PCCA: variants seen among roughly 807,000 people sequenced by gnomAD.
PCCA encodes the protein propionyl-CoA carboxylase subunit alpha.
Under a neutral mutation model 101.3 loss-of-function variants are expected in PCCA, and 74 were observed. The observed-to-expected ratio is 0.73, with a 90% CI of 0.61 to 0.89. The LOEUF (loss-of-function observed/expected upper bound fraction) is 0.89, where lower values mean the gene tolerates loss of function less well. PCCA is among the 40% of genes least tolerant of loss of function. The pLI is 0.00. For synonymous variants in PCCA, 294 were observed against 313.6 expected (o/e 0.94, Z 0.66); for missense variants, 891 against 907.0 (o/e 0.98, Z 0.23).
chr13:100,369,303 C>T (rs567592252), intron 19 of PCCA, among the ~76,000 whole-genome samples: 49 of 152,198 alleles, frequency 3.2e-4, no homozygotes, highest in Non-Finnish European at 6.6e-4. Flanking sequence ...GGCTAAATTG[C>T]ATTGAAATGT....
At chr13:100,134,425 A>C (rs1353368364) in intron 4 of PCCA, among the ~76,000 whole-genome samples, 1 of 152,206 alleles carries the variant, frequency 6.6e-6, no homozygotes, top group Non-Finnish European at 1.5e-5. Context: ...CACACACAAA[A>C]AAAATCCTGC....
chr13:100,207,395 T>A (rs2058926404), intron 6 of PCCA, among the ~76,000 whole-genome samples: 1 of 152,140 alleles, frequency 6.6e-6, no homozygotes, highest in Admixed American at 6.5e-5. Flanking sequence ...TGTATTTATT[T>A]TTTTGAGATG....
chr13:100,311,629 G>A (rs1032651735), intron 16 of PCCA, among the ~76,000 whole-genome samples: 1 of 152,110 alleles, frequency 6.6e-6, no homozygotes, highest in African/African-American at 2.4e-5. Context: ...AATTAGCCAG[G>A]CGTGGTGGTG....
intron 22 of PCCA, among the ~76,000 whole-genome samples, chr13:100,519,299 C>A (rs1566500250): frequency 6.6e-6 from 1 of 152,190 alleles, no homozygotes. Context: ...AAATTAAGTA[C>A]CTGTTGCTGC....
intron 7 of PCCA, among the ~76,000 whole-genome samples, chr13:100,234,373 C>A (rs186039090): frequency 1.1e-4 from 17 of 151,938 alleles, no homozygotes; most frequent in Admixed American, 1.0e-3. Context: ...AAGCAGTAAA[C>A]CTTGATTTTG....
At chr13:100,095,454 A>G (rs1323026637) in intron 1 of PCCA, among the ~76,000 whole-genome samples, 1 of 152,246 alleles carries the variant, frequency 6.6e-6, no homozygotes, top group Non-Finnish European at 1.5e-5. Context: ...GCTCGTATAA[A>G]TAGAAAAGTT....
intron 6 of PCCA, among the ~76,000 whole-genome samples, chr13:100,165,758 G>T (rs1566618394): frequency 3.9e-5 from 6 of 152,168 alleles, no homozygotes. Flanking sequence ...CAGGCCAGGT[G>T]TGGTATCTTA....
At chr13:100,278,296 C>G (rs985257783) in intron 12 of PCCA, among the ~76,000 whole-genome samples, 5 of 152,100 alleles carry the variant, frequency 3.3e-5, no homozygotes, top group African/African-American at 1.2e-4. Flanking sequence ...GTATTCTATT[C>G]TAGACCAAAG....
intron 6 of PCCA, among the ~76,000 whole-genome samples, chr13:100,175,810 G>A (rs1436557892): frequency 6.6e-6 from 1 of 152,172 alleles, no homozygotes; most frequent in East Asian, 1.9e-4. Context: ...CAAAGATGAG[G>A]CCTACAAAAG....
chr13:100,445,764 A>G (rs1307841082), intron 20 of PCCA, among the ~76,000 whole-genome samples: 1 of 121,944 alleles, frequency 8.2e-6, no homozygotes, highest in Non-Finnish European at 1.7e-5. Flanking sequence ...TTAAGTCTAA[A>G]TAATATTCCA....
Position 100,257,784 on chromosome 13 carries a change from T to C in PCCA, c.716+111T>C, listed in dbSNP as rs567179675. 3.5e-4 allele frequency: 265 copies of C among 758,526 alleles called. 3 individuals are homozygous for C. The South Asian group carries it at 3.9e-3, about 11-fold the overall frequency. The allele number at this position is 758,526 out of a possible 1,614,324, so 47.0% of individuals were successfully genotyped here. On this transcript the variant is annotated intron_variant, in intron 9 of 23. Coordinates refer to ENST00000376285, the MANE Select transcript of PCCA (RefSeq NM_000282.4). ...CATAATGGAGTAATTACAGTAACCA[T>C]CTAATTTTTACACTTTTGAATGGGA...
chr13:100,466,363 G>C (rs181074504), intron 21 of PCCA, among the ~76,000 whole-genome samples: 1 of 152,216 alleles, frequency 6.6e-6, no homozygotes. Flanking sequence ...GACAAGACAC[G>C]TAGGAAGCCA....
intron 16 of PCCA, 84 bp from the exon 17 acceptor site, chr13:100,330,477 A>G (rs1394658045): frequency 4.9e-6 from 4 of 808,572 alleles, no homozygotes; most frequent in Non-Finnish European, 8.5e-6. Flanking sequence ...GTCATAGAAC[A>G]GTGATGATAA....
chr13:100,373,213 T>C (rs2075685590), intron 19 of PCCA, among the ~76,000 whole-genome samples: 1 of 152,048 alleles, frequency 6.6e-6, no homozygotes, highest in South Asian at 2.1e-4. Flanking sequence ...ATTAGAGAAA[T>C]CCAAATCAAA....
chr13:100,303,864 G>A (rs138894954), intron 14 of PCCA, among the ~76,000 whole-genome samples: 66 of 152,242 alleles, frequency 4.3e-4, no homozygotes, highest in African/African-American at 1.3e-3. Flanking sequence ...TTCAAAGCCA[G>A]AAGGCAGAAA....
intron 12 of PCCA, among the ~76,000 whole-genome samples, chr13:100,290,774 T>G (rs2065059161): frequency 2.0e-5 from 3 of 152,244 alleles, no homozygotes; most frequent in Admixed American, 1.3e-4. Flanking sequence ...ACTGTCATTT[T>G]ATATTTATGC....
intron 22 of PCCA, among the ~76,000 whole-genome samples, chr13:100,517,046 C>CTTGT (rs1491478540): frequency 1.5e-5 from 2 of 132,988 alleles, no homozygotes; most frequent in Admixed American, 7.6e-5. Flanking sequence ...ATTATAAAAT[C>CTTGT]GTGTGTGTGT....
At chr13:100,491,098 T>A (rs1016371354) in intron 21 of PCCA, 3 of 123,254 alleles carry the variant, frequency 2.4e-5, no homozygotes, top group Non-Finnish European at 4.9e-5. Context: ...CTTTAAGACC[T>A]CCTGGTTTAT....
intron 8 of PCCA, among the ~76,000 whole-genome samples, chr13:100,246,902 G>GTT (rs34860703): frequency 9.6e-4 from 129 of 134,936 alleles, no homozygotes; most frequent in African/African-American, 3.0e-3. Context: ...CTTCTAGTGA[G>GTT]TTTTTTTTTT....
Sources: allele counts gnomAD v4.1 joint callset (sites outside exome capture counted in the v4.1 genomes callset), GRCh38; gene constraint gnomAD v4.1.1; transcripts MANE v1.5; gene names NCBI Gene and HGNC (gene_info 2026-07-23, HGNC 2026-07-21).